The following FRAS1 variants were observed in gnomAD, a reference collection of about 807,000 sequenced individuals.
FRAS1 encodes extracellular matrix organizing protein FRAS1.
FRAS1 carries 290 observed loss-of-function variants against 435.2 expected under a neutral mutation model. The observed-to-expected ratio is 0.67, with a 90% CI of 0.61 to 0.73. FRAS1 has a LOEUF of 0.73. FRAS1 is among the 30% of genes least tolerant of loss of function. The pLI, the probability that FRAS1 is intolerant of heterozygous loss-of-function variation, is 0.00. For missense variants in FRAS1, 4,860 were observed against 5,001.5 expected (o/e 0.97, Z 0.85); for synonymous variants, 1,800 against 1,851.0 (o/e 0.97, Z 0.71).
At chr4:78,518,367 A>T (rs1350072718) in intron 66 of FRAS1, among the ~76,000 whole-genome samples, 1 of 149,636 alleles carries the variant, frequency 6.7e-6, no homozygotes, top group Non-Finnish European at 1.5e-5. Flanking sequence ...ATAGTATATT[A>T]TAGTAATTAG....
At chr4:78,132,757 C>T (rs1197114929) in intron 2 of FRAS1, among the ~76,000 whole-genome samples, 1 of 152,022 alleles carries the variant, frequency 6.6e-6, no homozygotes, top group East Asian at 1.9e-4. Flanking sequence ...TTCACATGAC[C>T]CTGAAAAGTT....
At chr4:78,378,454 T>C (rs1222882159) in intron 26 of FRAS1, among the ~76,000 whole-genome samples, 1 of 152,148 alleles carries the variant, frequency 6.6e-6, no homozygotes, top group Non-Finnish European at 1.5e-5. Flanking sequence ...AGGAGTGGAA[T>C]TGCTGTGTCC....
chr4:78,522,284 C>T (rs1422989110), intron 68 of FRAS1, among the ~76,000 whole-genome samples: 4 of 152,094 alleles, frequency 2.6e-5, no homozygotes. Flanking sequence ...CTACTGAGAC[C>T]TTTCTACCTC....
At position 78,516,024 on chromosome 4, in the gene FRAS1, C is replaced by G. The variant is rs74632598; in HGVS notation, c.10389+11C>G. ...ACCGCTGACTTCCAGGTAGGTGCCCCGGGGCTTGTCTGAGGACTCTGCATA... is the reference window on the plus strand; with the variant it reads ...ACCGCTGACTTCCAGGTAGGTGCCCGGGGGCTTGTCTGAGGACTCTGCATA... On this transcript the variant is annotated intron_variant, in intron 66 of 73. Coordinates refer to ENST00000512123, the MANE Select transcript of FRAS1 (RefSeq NM_025074.7). 1.2e-6 allele frequency: 2 copies of G among 1,605,356 alleles called. No individual in the cohort carries two copies. Among genetic ancestry groups the G allele is most frequent in the South Asian group, 2.2e-5 (2 of 90,036 alleles).
chr4:78,221,020 T>G lies in FRAS1; in HGVS notation c.109-16490T>G, dbSNP rs756782229. 4.6e-5 allele frequency among the ~76,000 whole-genome samples: 7 copies of G among 151,998 alleles called. 1 individual carries two copies. Among genetic ancestry groups the G allele is most frequent in the Non-Finnish European group, 1.5e-5 (1 of 68,004 alleles). ...CTGTCTCTACAAAAAATACAAAAAT[T>G]AGCCAGATGTGGTGGTGTGCACCTG... is the stretch of plus-strand genomic sequence containing the variant. On this transcript the variant is annotated intron_variant, in intron 2 of 73. Transcript: ENST00000512123.
At chr4:78,393,987 A>G (rs1214289462) in intron 29 of FRAS1, among the ~76,000 whole-genome samples, 2 of 151,858 alleles carry the variant, frequency 1.3e-5, no homozygotes, top group Non-Finnish European at 2.9e-5. Flanking sequence ...TGCTTTTCAT[A>G]TACCTGTTAG....
chr4:78,354,146 C>G (rs532169443), intron 20 of FRAS1, among the ~76,000 whole-genome samples: 8 of 152,122 alleles, frequency 5.3e-5, no homozygotes, highest in African/African-American at 1.9e-4. Flanking sequence ...CACTGCCACT[C>G]GCCACCTCCC....
At chr4:78,520,551 G>C (rs976208672) in intron 67 of FRAS1, among the ~76,000 whole-genome samples, 1 of 152,100 alleles carries the variant, frequency 6.6e-6, no homozygotes. Context: ...CATATAAAAT[G>C]GTGTAGTATT....
At position 78,318,903 on chromosome 4, in the gene FRAS1, T is replaced by G. The variant is rs767882606; in HGVS notation, c.2054T>G (p.Leu685Arg). The G allele has an allele frequency of 4.2e-5, 67 of 1,613,944 alleles. No homozygotes were observed. The highest frequency in any genetic ancestry group is 5.2e-5 in the Non-Finnish European group (61 of 1,179,898). ...GAGGAAGGACTGCAAGTGGAGCAGC[T>G]GTCTGACGTGGGCATCCCCTCTGGC... ...KPEEGLQVEQ[L>R]SDVGIPSGEC... The change falls in exon 18 of 74, where the codon CTG becomes CGG. Residue 685 changes from leucine to arginine, a missense_variant. Transcript: ENST00000512123.
chr4:78,429,490 T>G (rs977293807), intron 36 of FRAS1, among the ~76,000 whole-genome samples: 8 of 152,106 alleles, frequency 5.3e-5, no homozygotes, highest in African/African-American at 1.9e-4. Context: ...ATGCCATCAC[T>G]AAAATATAAA....
chr4:78,526,613 C>A lies in FRAS1; in HGVS notation c.10881C>A (p.Asp3627Glu). ...CTVQPTQPWV[D>E]PGEKPLACTA... ...TGCAGCCCACACAGCCATGGGTTGA[C>A]CCAGGAGAGAAGCCTTTGGCCTGCA... Residue 3627 changes from aspartate to glutamate, a missense_variant, in exon 70 of 74, where the codon GAC (aspartate) becomes GAA (glutamate). Coordinates refer to ENST00000512123, the MANE Select transcript of FRAS1 (RefSeq NM_025074.7). The A allele has an allele frequency of 6.3e-7, 1 of 1,598,960 alleles. No individual in the cohort carries two copies. Among genetic ancestry groups the A allele is most frequent in the Non-Finnish European group, 8.5e-7 (1 of 1,173,544 alleles).
intron 52 of FRAS1, among the ~76,000 whole-genome samples, chr4:78,472,898 A>C (rs533051351): frequency 2.4e-4 from 36 of 152,056 alleles, no homozygotes; most frequent in Non-Finnish European, 4.3e-4. Context: ...TGCATCTCAA[A>C]ATTCATGCTC....
chr4:78,233,380 A>G (rs1215279041), intron 2 of FRAS1, among the ~76,000 whole-genome samples: 1 of 152,202 alleles, frequency 6.6e-6, no homozygotes, highest in African/African-American at 2.4e-5. Context: ...TTATTCAACA[A>G]TGTTCTGGAT....
At chr4:78,129,041 G>A (rs558348258) in intron 2 of FRAS1, among the ~76,000 whole-genome samples, 1 of 152,104 alleles carries the variant, frequency 6.6e-6, no homozygotes, top group African/African-American at 2.4e-5. Context: ...TTTTTCTCAG[G>A]TTTGTCAAAG....
chr4:78,400,612 G>A (rs941604365), intron 29 of FRAS1, 122 bp from the exon 30 acceptor site: 54 of 884,192 alleles, frequency 6.1e-5, no homozygotes, highest in Non-Finnish European at 8.3e-5. Context: ...CTCTGAAGCT[G>A]TGAATCTCTC....
At chr4:78,130,950 A>G (rs1457616338) in intron 2 of FRAS1, among the ~76,000 whole-genome samples, 1 of 152,200 alleles carries the variant, frequency 6.6e-6, no homozygotes, top group African/African-American at 2.4e-5. Context: ...TACTGTTAAT[A>G]GCTATTATTT....
chr4:78,534,876 A>G (rs1721832603), intron 71 of FRAS1, among the ~76,000 whole-genome samples: 1 of 152,200 alleles, frequency 6.6e-6, no homozygotes, highest in Non-Finnish European at 1.5e-5. Context: ...TAGTAAGAAT[A>G]CTGGCATTTC....
chr4:78,141,919 G>A (rs765673092), intron 2 of FRAS1, among the ~76,000 whole-genome samples: 4 of 152,092 alleles, frequency 2.6e-5, no homozygotes, highest in East Asian at 1.9e-4. Flanking sequence ...TCACTGGTAC[G>A]TGGGAGCTAA....
Position 78,281,354 on chromosome 4 carries a change from G to A in FRAS1, c.1072-44G>A. On this transcript the variant is annotated intron_variant, in intron 10 of 73. Transcript: ENST00000512123. ...GAAAAAATAAAATAATCAGCCTAAT[G>A]GTGTTTTTAGTGGCATAATAAAGAC... The A allele has an allele frequency of 1.5e-6, 2 of 1,354,440 alleles. 1 individual carries two copies. The highest frequency in any genetic ancestry group is 3.7e-4 in the Middle Eastern group (2 of 5,336). The allele number at this position is 1,354,440 out of a possible 1,614,324, so 83.9% of individuals were successfully genotyped here. A position where few individuals can be genotyped will look rare whatever the true frequency, so the allele number is the denominator to read the frequency against.
Sources: gnomAD v4.1 joint callset for allele counts (sites outside exome capture counted in the v4.1 genomes callset) on GRCh38, gnomAD v4.1.1 for gene constraint, MANE v1.5 for transcripts, NCBI Gene and HGNC (gene_info 2026-07-23, HGNC 2026-07-21) for gene names.